The following LRRC71 variants were observed in gnomAD, a reference collection of about 807,000 sequenced individuals.
LRRC71 encodes the protein leucine rich repeat containing 71, also known as leucine-rich repeat-containing protein 71.
A neutral mutation model predicts 66.6 loss-of-function variants in LRRC71; 54 were observed. That is an observed-to-expected ratio of 0.81 (90% CI 0.65 to 1.02). LRRC71 has a LOEUF of 1.02. LRRC71 is among the 50% of genes least tolerant of loss of function. LRRC71 has a pLI of 0.00. For synonymous variants in LRRC71, 323 were observed against 303.9 expected (o/e 1.06, Z -0.65); for missense variants, 724 against 718.0 (o/e 1.01, Z -0.10).
At chr1:156,940,193 C>A in the LRRC71 span, 1 of 1,564,548 alleles carries the variant, frequency 6.4e-7, no homozygotes, top group Non-Finnish European at 8.7e-7. Context: ...ACGGCAGGGC[C>A]TTGAAGCACT....
intron 1 of LRRC71, among the ~76,000 whole-genome samples, chr1:156,923,478 A>T (rs768416943): frequency 6.6e-6 from 1 of 152,264 alleles, no homozygotes; most frequent in Non-Finnish European, 1.5e-5. Context: ...GGAAATGTTA[A>T]ATAAAAGTAT....
Position 156,929,675 on chromosome 1 carries a change from T to C in LRRC71, c.1186T>C (p.Ser396Pro). ...KKEEKLGSGQ[S>P]PTQGTPKKED... is the part of the protein sequence containing the mutation. ...AGAGGAGAAGTTGGGGTCTGGGCAG[T>C]CACCCACACAAGGAACCCCTAAGAA... Residue 396 changes from serine (S) to proline (P), a missense_variant, in exon 11 of 15, where the codon TCA (serine) becomes CCA (proline). Physicochemically the swap from Ser to Pro is moderately conservative, Grantham distance 74. Coordinates refer to ENST00000337428, the MANE Select transcript of LRRC71 (RefSeq NM_144702.3). The C allele has an allele frequency of 6.3e-7, 1 of 1,586,568 alleles. No homozygotes were observed. Among genetic ancestry groups the C allele is most frequent in the South Asian group, 1.2e-5 (1 of 86,632 alleles).
chr1:156,930,652 A>G, intron 12 of LRRC71, 35 bp downstream of exon 12: 2 of 1,524,502 alleles, frequency 1.3e-6, no homozygotes, highest in African/African-American at 2.8e-5. Flanking sequence ...CAGGGGGCAC[A>G]CCCCTGGGAT....
rs1652241075 is a variant in LRRC71 at position 156,920,826 on chromosome 1, C to T, written c.23C>T (p.Pro8Leu). Reference protein sequence around the residue: MSSEQSAPGASPRAPRPG... With the variant: MSSEQSALGASPRAPRPG... ...AGCATGTCGAGCGAGCAGAGCGCGCCGGGGGCCTCACCCAGGGCCCCGCGT... is the reference window on the plus strand; with the variant it reads ...AGCATGTCGAGCGAGCAGAGCGCGCTGGGGGCCTCACCCAGGGCCCCGCGT... The change falls in exon 1 of 15, where the codon CCG becomes CTG. Residue 8 changes from proline to leucine, a missense_variant. Physicochemically the swap from Pro to Leu is moderately conservative, Grantham distance 98. Transcript: ENST00000337428. The surrounding 1 kb of genome is among the most constrained non-coding windows in gnomAD (Gnocchi z 4.9). 1 of 1,531,114 alleles carries T rather than the reference C, an allele frequency of 6.5e-7. No individual in the cohort carries two copies. The highest frequency in any genetic ancestry group is 8.8e-7 in the Non-Finnish European group (1 of 1,137,534). 94.8% of individuals were successfully genotyped at this position (1,531,114 alleles called of 1,614,324 possible).
intron 5 of LRRC71, among the ~76,000 whole-genome samples, chr1:156,925,659 T>C (rs1170798598): frequency 6.6e-6 from 1 of 152,156 alleles, no homozygotes; most frequent in Non-Finnish European, 1.5e-5. Context: ...ACAGGTGTGG[T>C]TGGGAGTGTA....
chr1:156,924,928 C>T lies in LRRC71; in HGVS notation c.516-10C>T. The T allele has an allele frequency of 6.4e-7, 1 of 1,551,664 alleles. No individual in the cohort carries two copies. ...TAGCTCTGTGTTTCTGCACTTCCCG[C>T]CCACGACAGCTTGTGGAAGGTGGGG... On this transcript the variant is annotated splice_polypyrimidine_tract_variant and intron_variant, in intron 4 of 14. Coordinates refer to ENST00000337428, the MANE Select transcript of LRRC71 (RefSeq NM_144702.3).
chr1:156,938,379 G>C, the LRRC71 span: 1 of 1,593,434 alleles, frequency 6.3e-7, no homozygotes, highest in South Asian at 1.1e-5. Context: ...CCACACTCCA[G>C]TCTTGGCCTG....
intron 2 of LRRC71, 56 bp from the exon 3 acceptor site, chr1:156,924,368 C>T: frequency 1.3e-6 from 2 of 1,525,214 alleles, no homozygotes; most frequent in South Asian, 2.4e-5. Flanking sequence ...GTGGGCCGGC[C>T]CGGCGTGGGG....
At chr1:156,928,363 CTCTTCTTCTTCTTCTTCT>C (rs71080802) in intron 9 of LRRC71, among the ~76,000 whole-genome samples, 19 of 98,820 alleles carry the variant, frequency 1.9e-4, no homozygotes, top group African/African-American at 4.8e-4. Context: ...CTTCTTCTTC[CTCTTCTTCTTCTTCTTCT>C]TCTTCTTCTT....
In LRRC71 at chr1:156,932,425, G is replaced by T; in HGVS notation, c.1443G>T (p.Arg481=). 6.2e-7 allele frequency: 1 copy of T among 1,612,586 alleles called. No homozygotes were observed. Among genetic ancestry groups the T allele is most frequent in the Non-Finnish European group, 8.5e-7 (1 of 1,179,554 alleles). The change falls in exon 14 of 15, where the codon CGG becomes CGT. Residue 481 remains arginine, a splice_region_variant and synonymous_variant. Transcript: ENST00000337428. ...NKVLLHLNLI[R]NRITEVGLEG... is the part of the protein sequence containing the mutation. ...CCACCTGTCTGTAACTTCCACCAGGGAACCGCATCACAGAGGTGGGGCTGG... is the reference window on the plus strand; with the variant it reads ...CCACCTGTCTGTAACTTCCACCAGGTAACCGCATCACAGAGGTGGGGCTGG...
chr1:156,933,010 A>G lies in LRRC71; in HGVS notation c.*41A>G. The G allele has an allele frequency of 6.9e-7, 1 of 1,450,706 alleles. No homozygotes were observed. The highest frequency in any genetic ancestry group is 9.5e-7 in the Non-Finnish European group (1 of 1,057,940). 89.9% of individuals were successfully genotyped at this position (1,450,706 alleles called of 1,614,324 possible). A position where few individuals can be genotyped will look rare whatever the true frequency, so the allele number is the denominator to read the frequency against. On this transcript the variant is annotated 3_prime_UTR_variant, in exon 15 of 15. Coordinates refer to ENST00000337428, the MANE Select transcript of LRRC71 (RefSeq NM_144702.3). ...TTGCCTCTAAGACTCGGGGCTACAG[A>G]AGCACCTCCTGTCCCTGTGTGGGGT...
At chr1:156,932,601 T>A (rs374977566) in intron 14 of LRRC71, 56 bp downstream of exon 14, 13 of 1,613,790 alleles carry the variant, frequency 8.1e-6, no homozygotes, top group Non-Finnish European at 1.1e-5. Context: ...TCAGCTGTCA[T>A]ACTAGACAGC....
intron 1 of LRRC71, 96 bp downstream of exon 1, chr1:156,921,059 A>G: frequency 1.5e-6 from 2 of 1,338,416 alleles, no homozygotes; most frequent in South Asian, 3.6e-5. Flanking sequence ...GGCTGAACTC[A>G]TACATACCTA....
intron 14 of LRRC71, 144 bp from the exon 15 acceptor site, chr1:156,932,709 G>GA: frequency 6.5e-7 from 1 of 1,546,774 alleles, no homozygotes; most frequent in Non-Finnish European, 8.9e-7. Context: ...CCTCTTGCTG[G>GA]AAAATCAGCA....
At chr1:156,929,470 AG>A (rs769866518) in intron 10 of LRRC71, 41 bp downstream of exon 10, 15 of 1,612,552 alleles carry the variant, frequency 9.3e-6, no homozygotes, top group Non-Finnish European at 8.5e-7. Flanking sequence ...CTGGACGGAC[AG>A]GGGAGGGGGC....
intron 1 of LRRC71, among the ~76,000 whole-genome samples, chr1:156,921,235 C>T: frequency 6.6e-6 from 1 of 152,184 alleles, no homozygotes; most frequent in Non-Finnish European, 1.5e-5. Context: ...CAGGAGGTGC[C>T]TTTGAACAGA....
At chr1:156,934,153 TTCA>T (rs1378268233), downstream of LRRC71, among the ~76,000 whole-genome samples, 2 of 152,210 alleles carry the variant, frequency 1.3e-5, no homozygotes, top group Non-Finnish European at 2.9e-5. Flanking sequence ...CAGTGACCCT[TTCA>T]GCCCATATCT....
chr1:156,929,662 G>A lies in LRRC71; in HGVS notation c.1173G>A (p.Leu391=), dbSNP rs1236970662. The change falls in exon 11 of 15, where the codon TTG becomes TTA. Residue 391 remains leucine (L), a synonymous_variant. Coordinates refer to ENST00000337428, the MANE Select transcript of LRRC71 (RefSeq NM_144702.3). ...SWELAKKEEK[L]GSGQSPTQGT... ...AATTGGCCAAGAAAGAGGAGAAGTTGGGGTCTGGGCAGTCACCCACACAAG... is the reference window on the plus strand; with the variant it reads ...AATTGGCCAAGAAAGAGGAGAAGTTAGGGTCTGGGCAGTCACCCACACAAG... The A allele has an allele frequency of 6.3e-7, 1 of 1,587,384 alleles. No homozygotes were observed. The highest frequency in any genetic ancestry group is 8.6e-7 in the Non-Finnish European group (1 of 1,166,884).
In LRRC71 at chr1:156,920,951, C is replaced by T. The variant is rs1442434427; in HGVS notation, c.148C>T (p.Pro50Ser). ...TVLPPVGEEE[P>S]KSPEEYQCSG... ...TCTGCCTCCCGTGGGGGAGGAGGAGCCCAAAAGCCCTGGTACGCTGGCGCC... is the reference window on the plus strand; with the variant it reads ...TCTGCCTCCCGTGGGGGAGGAGGAGTCCAAAAGCCCTGGTACGCTGGCGCC... The change falls in exon 1 of 15, where the codon CCC (proline) becomes TCC (serine). Residue 50 changes from proline (P) to serine (S), a missense_variant. By Grantham distance (74) the Pro-to-Ser change is moderately conservative (BLOSUM62 -1). Transcript: ENST00000337428. This position sits in a 1 kb window ranked among gnomAD's most constrained non-coding sequence, Gnocchi z 4.9. 2 of 1,525,736 alleles carry T rather than the reference C, an allele frequency of 1.3e-6. No individual in the cohort carries two copies. The highest frequency in any genetic ancestry group is 5.1e-5 in the East Asian group (2 of 39,306). The allele number at this position is 1,525,736 out of a possible 1,614,324, so 94.5% of individuals were successfully genotyped here.
Sources: gnomAD v4.1 joint callset for allele counts (sites outside exome capture counted in the v4.1 genomes callset) on GRCh38, gnomAD v4.1.1 for gene constraint, Gnocchi (gnomAD v3.1) non-coding constraint, MANE v1.5 for transcripts, NCBI Gene and HGNC (gene_info 2026-07-23, HGNC 2026-07-21) for gene names.